LAMA2: variants seen among roughly 807,000 people sequenced by gnomAD.
LAMA2 encodes the protein laminin subunit alpha-2.
LAMA2 carries 269 observed loss-of-function variants against 364.8 expected under a neutral mutation model. That is an observed-to-expected ratio of 0.74 (90% CI 0.67 to 0.82). The LOEUF is 0.82. Among genes scored for constraint, LAMA2 ranks in the 40% least tolerant of loss-of-function variants. The pLI is 0.00. For synonymous variants in LAMA2, 1,379 were observed against 1,370.6 expected, an observed-to-expected ratio of 1.01 and a Z score of -0.14; for missense variants, 3,807 against 3,873.2, an observed-to-expected ratio of 0.98 and a Z score of 0.45.
intron 19 of LAMA2, among the ~76,000 whole-genome samples, chr6:129,291,313 T>G (rs1789686328): frequency 6.6e-6 from 1 of 152,166 alleles, no homozygotes; most frequent in Non-Finnish European, 1.5e-5. Flanking sequence ...AAGCTATGGC[T>G]TCTTTGAATT....
At chr6:129,076,026 C>T (rs1773612329) in intron 3 of LAMA2, among the ~76,000 whole-genome samples, 1 of 152,058 alleles carries the variant, frequency 6.6e-6, no homozygotes, top group South Asian at 2.1e-4. Context: ...GTCAAGGCTG[C>T]AGTGAGCCAT....
chr6:129,080,056 T>C (rs147715567), intron 3 of LAMA2, among the ~76,000 whole-genome samples: 247 of 152,298 alleles, frequency 1.6e-3, no homozygotes, highest in Non-Finnish European at 3.1e-3. Flanking sequence ...GGAATTACAA[T>C]AGACACATTT....
intron 29 of LAMA2, among the ~76,000 whole-genome samples, chr6:129,329,661 T>G (rs1292508756): frequency 6.6e-6 from 1 of 152,126 alleles, no homozygotes; most frequent in Non-Finnish European, 1.5e-5. Flanking sequence ...CATGCCCAGC[T>G]GCAGTCGCCA....
At chr6:129,109,346 T>C (rs1177941978) in intron 4 of LAMA2, among the ~76,000 whole-genome samples, 2 of 152,138 alleles carry the variant, frequency 1.3e-5, no homozygotes, top group Non-Finnish European at 2.9e-5. Flanking sequence ...TTTCAGTTTT[T>C]GACTACGACT....
chr6:129,266,082 C>G (rs1787492156), intron 15 of LAMA2, among the ~76,000 whole-genome samples: 1 of 152,024 alleles, frequency 6.6e-6, no homozygotes, highest in African/African-American at 2.4e-5. Flanking sequence ...TCAGTGGTTT[C>G]TCTTCTGTTT....
In LAMA2 at chr6:129,099,114, G is replaced by GT. The variant is rs766080944; in HGVS notation, c.639+709dup. ...ATTAGTTGTATGTGGGGGCGGGGAG[G>GT]TTTTTTTTTTGTTTTTTTTTTTTTT... On this transcript the variant is annotated intron_variant, in intron 4 of 64. Coordinates refer to ENST00000421865, the MANE Select transcript of LAMA2 (RefSeq NM_000426.4). Among the ~76,000 whole-genome samples the GT allele has an allele frequency of 5.9e-3, 643 of 109,178 alleles. 7 individuals carry two copies. Among genetic ancestry groups the GT allele is most frequent in the African/African-American group, 0.017 (533 of 31,330 alleles). The allele number at this position is 109,178 out of a possible 152,430, so 71.6% of individuals were successfully genotyped here.
chr6:129,202,876 G>A (rs1782393963), intron 12 of LAMA2, among the ~76,000 whole-genome samples: 1 of 152,146 alleles, frequency 6.6e-6, no homozygotes, highest in Non-Finnish European at 1.5e-5. Context: ...TCAGGCAAAA[G>A]AAAAATGTTA....
At chr6:128,972,836 C>T (rs1272120035) in intron 1 of LAMA2, among the ~76,000 whole-genome samples, 4 of 152,084 alleles carry the variant, frequency 2.6e-5, no homozygotes, top group South Asian at 2.1e-4. Flanking sequence ...AGTAATACCT[C>T]GGGAACCACT....
chr6:129,152,644 C>T (rs1319231473), intron 7 of LAMA2, among the ~76,000 whole-genome samples: 1 of 152,132 alleles, frequency 6.6e-6, no homozygotes, highest in East Asian at 1.9e-4. Flanking sequence ...GATGCTAGGA[C>T]TCGAGTTTTT....
chr6:128,898,406 T>A (rs371601174), intron 1 of LAMA2, among the ~76,000 whole-genome samples: 2 of 152,128 alleles, frequency 1.3e-5, no homozygotes, highest in Admixed American at 1.3e-4. Context: ...ACTCAGAAAA[T>A]GGTACCATCA....
Position 129,369,907 on chromosome 6 carries a change from C to T in LAMA2, c.4876C>T (p.Gln1626Ter), listed in dbSNP as rs369776766. The change falls in exon 34 of 65, where the codon CAG becomes TAG. Residue 1626 changes from glutamine (Q) to a stop codon, truncating the protein, a stop_gained. Transcript: ENST00000421865. LOFTEE classifies it high-confidence loss of function. ...TQELKHLLSPQRAPERLIQLA... is the reference protein window; with the variant it reads ...TQELKHLLSP ...TCTTTTTCAGCACTTGCTGTCACCTCAGCGGGCCCCAGAGAGGCTTATTCA... is the reference window on the plus strand; with the variant it reads ...TCTTTTTCAGCACTTGCTGTCACCTTAGCGGGCCCCAGAGAGGCTTATTCA... 3 of 1,613,968 alleles carry T rather than the reference C, an allele frequency of 1.9e-6. No homozygotes were observed. In the African/African-American group the frequency reaches 4.0e-5, roughly 22 times the overall value.
At chr6:128,883,801 T>TACACACACACACACACACAC (rs71543146) in intron 1 of LAMA2, among the ~76,000 whole-genome samples, 1 of 135,984 alleles carries the variant, frequency 7.4e-6, no homozygotes, top group African/African-American at 3.0e-5. Context: ...TATATATATA[T>TACACACACACACACACACAC]ACACACACAC....
chr6:129,244,584 A>G lies in LAMA2; in HGVS notation c.1783-5528A>G, dbSNP rs904747495. ...ATTAGGTTTTACACTCCATTTAGTG[A>G]AATAACAGTGATGATAATCTGACAT... On this transcript the variant is annotated intron_variant, in intron 12 of 64. Transcript: ENST00000421865. Among the ~76,000 whole-genome samples the G allele has an allele frequency of 5.9e-5, 9 of 152,242 alleles. No individual in the cohort carries two copies. The East Asian group carries it at 1.5e-3, about 26-fold the overall frequency.
At chr6:128,970,500 T>C (rs939617485) in intron 1 of LAMA2, among the ~76,000 whole-genome samples, 6 of 152,200 alleles carry the variant, frequency 3.9e-5, no homozygotes, top group Admixed American at 3.3e-4. Context: ...ATTTGAGGCT[T>C]TATAACTGAA....
At chr6:129,211,322 A>G (rs1455991207) in intron 12 of LAMA2, among the ~76,000 whole-genome samples, 1 of 152,224 alleles carries the variant, frequency 6.6e-6, no homozygotes, top group African/African-American at 2.4e-5. Flanking sequence ...GACACTGAAC[A>G]GCCAGTGTTC....
chr6:129,515,434 G>A lies in LAMA2; in HGVS notation c.9212-756G>A, dbSNP rs574588319. Among the ~76,000 whole-genome samples the A allele has an allele frequency of 2.0e-5, 3 of 152,266 alleles. No individual in the cohort carries two copies. The South Asian group carries it at 6.2e-4, about 32-fold the overall frequency. On this transcript the variant is annotated intron_variant, in intron 64 of 64. Transcript: ENST00000421865. Reference sequence around the variant, plus strand: ...TTGCTTCAATCAGGATAAATTCCAAGATATTATGAAGGAGGTAATGTACTT... The same window carrying A: ...TTGCTTCAATCAGGATAAATTCCAAAATATTATGAAGGAGGTAATGTACTT...
intron 32 of LAMA2, among the ~76,000 whole-genome samples, chr6:129,365,901 T>C (rs1777745797): frequency 6.6e-6 from 1 of 152,196 alleles, no homozygotes; most frequent in South Asian, 2.1e-4. Flanking sequence ...TGTTATATTC[T>C]ATGCCTTAAA....
At chr6:129,158,246 T>A in intron 8 of LAMA2, 1 of 1,614,092 alleles carries the variant, frequency 6.2e-7, no homozygotes, top group Non-Finnish European at 8.5e-7. Flanking sequence ...TATCTGCCGC[T>A]ATGAAACCAA....
intron 1 of LAMA2, among the ~76,000 whole-genome samples, chr6:129,043,958 C>G (rs1204655896): frequency 1.3e-5 from 2 of 152,154 alleles, no homozygotes; most frequent in African/African-American, 4.8e-5. Flanking sequence ...AGAGTTTATG[C>G]ACAGATTGAG....
Sources: gnomAD v4.1 joint callset for allele counts (sites outside exome capture counted in the v4.1 genomes callset) on GRCh38, gnomAD v4.1.1 for gene constraint, MANE v1.5 for transcripts, NCBI Gene and HGNC (gene_info 2026-07-23, HGNC 2026-07-21) for gene names.